Variants in SEMA4D observed in about 807,000 individuals in gnomAD.
SEMA4D encodes semaphorin 4D, also known as semaphorin-4D.
In SEMA4D, 22 loss-of-function variants were observed where a neutral mutation model predicts 74.8. That is an observed-to-expected ratio of 0.29 (90% confidence interval 0.21 to 0.42). SEMA4D has a LOEUF of 0.42. Ranked by LOEUF, SEMA4D falls within the 10% of genes least tolerant of loss-of-function variation. The pLI, the probability that SEMA4D is intolerant of heterozygous loss-of-function variation, is 1.00. For synonymous variants in SEMA4D, 445 were observed against 463.7 expected (o/e 0.96, Z 0.52); for missense variants, 937 against 1,118.4 (o/e 0.84, Z 2.31).
chr9:89,446,258 C>T (rs117823674), intron 2 of SEMA4D, among the ~76,000 whole-genome samples: 3,482 of 152,314 alleles, frequency 0.023, 84 homozygotes, highest in Middle Eastern at 0.051. Context: ...CTTGTGAGTG[C>T]ATTTGGGGCC....
intron 16 of SEMA4D, among the ~76,000 whole-genome samples, chr9:89,371,241 G>A (rs1588106837): frequency 7.7e-6 from 1 of 130,142 alleles, no homozygotes; most frequent in Middle Eastern, 4.8e-3. Flanking sequence ...CTGGGGTAGG[G>A]TGCGTATGTG....
Position 89,380,125 on chromosome 9 carries a change from C to T in SEMA4D, c.1664-496G>A, listed in dbSNP as rs187043008. ...ACAGCTCACTGCAGCTTCAACCCCC[C>T]CAGCTCAAGGGATCTTCCCACCTCA... is the stretch of plus-strand genomic sequence containing the variant. On this transcript the variant is annotated intron_variant, in intron 15 of 15. Transcript: ENST00000422704. Among the ~76,000 whole-genome samples the T allele has an allele frequency of 2.6e-5, 4 of 151,924 alleles. No individual in the cohort carries two copies. In the East Asian group the frequency reaches 5.8e-4, roughly 22 times the overall value.
At chr9:89,426,256 G>A (rs1174806162) in intron 2 of SEMA4D, among the ~76,000 whole-genome samples, 1 of 152,242 alleles carries the variant, frequency 6.6e-6, no homozygotes, top group Non-Finnish European at 1.5e-5. Context: ...CTCAGGACAG[G>A]CCCCAGTCCA....
intron 2 of SEMA4D, among the ~76,000 whole-genome samples, chr9:89,454,339 T>A (rs778796101): frequency 2.0e-5 from 3 of 152,166 alleles, no homozygotes; most frequent in Admixed American, 2.0e-4. Context: ...CTTTAATCCA[T>A]GTCTCCAGGA....
At chr9:89,421,662 T>G (rs147284984) in intron 2 of SEMA4D, among the ~76,000 whole-genome samples, 1 of 152,162 alleles carries the variant, frequency 6.6e-6, no homozygotes, top group Non-Finnish European at 1.5e-5. Flanking sequence ...TTCCAGAGGA[T>G]GGAATACTAT....
In SEMA4D at chr9:89,469,254, T is replaced by A. The variant is rs1402334205; in HGVS notation, c.-309-13301A>T. Among the ~76,000 whole-genome samples the A allele has an allele frequency of 3.3e-5, 5 of 152,218 alleles. No individual in the cohort carries two copies. The East Asian group carries it at 9.7e-4, about 29-fold the overall frequency. On this transcript the variant is annotated intron_variant, in intron 1 of 15. Coordinates refer to ENST00000422704, the MANE Select transcript of SEMA4D (RefSeq NM_001371194.2). ...CAAGATGAAATAGATACCTGAGCAATACTATAAACAGGAAAGAAATAGAAT... is the reference window on the plus strand; with the variant it reads ...CAAGATGAAATAGATACCTGAGCAAAACTATAAACAGGAAAGAAATAGAAT...
At chr9:89,376,056 T>C (rs1174789507), downstream of SEMA4D, among the ~76,000 whole-genome samples, 1 of 152,226 alleles carries the variant, frequency 6.6e-6, no homozygotes. Context: ...CAAGCTGCTG[T>C]GAAACTCCTG....
chr9:89,395,151 C>T (rs1290625594), intron 6 of SEMA4D, among the ~76,000 whole-genome samples: 2 of 152,096 alleles, frequency 1.3e-5, no homozygotes, highest in Admixed American at 6.5e-5. Context: ...ATTGACGGGG[C>T]GTGGTGGCTC....
At chr9:89,461,953 G>A (rs200318173) in intron 1 of SEMA4D, among the ~76,000 whole-genome samples, 3 of 152,014 alleles carry the variant, frequency 2.0e-5, no homozygotes, top group South Asian at 2.1e-4. Context: ...TGCCCACCTC[G>A]GCCTCCCAAA....
rs1380687061 is a variant in SEMA4D, at chr9:89,463,845, G to A, written c.-309-7892C>T. ...GCTACTTGGGAGGCTGAGGCAGGAG[G>A]CTTGCTTGAACCCAGGAGGTGGAGG... On this transcript the variant is annotated intron_variant, in intron 1 of 15. Transcript: ENST00000422704. 2.6e-5 allele frequency among the ~76,000 whole-genome samples: 4 copies of A among 151,726 alleles called. No individual in the cohort carries two copies. The East Asian group carries it at 7.7e-4, about 29-fold the overall frequency.
downstream of SEMA4D, among the ~76,000 whole-genome samples, chr9:89,375,693 G>C (rs1380465866): frequency 2.0e-5 from 3 of 152,174 alleles, no homozygotes; most frequent in Non-Finnish European, 4.4e-5. Flanking sequence ...CAACACAGGG[G>C]CCACCAGGGC....
intron 2 of SEMA4D, chr9:89,418,800 C>CT (rs1846258797): frequency 6.6e-6 from 1 of 152,210 alleles, no homozygotes; most frequent in Non-Finnish European, 1.5e-5. Context: ...ACGCTGATCC[C>CT]TCCATGATTC....
At chr9:89,396,463 A>G (rs1162499324) in intron 6 of SEMA4D, among the ~76,000 whole-genome samples, 1 of 152,142 alleles carries the variant, frequency 6.6e-6, no homozygotes, top group African/African-American at 2.4e-5. Context: ...CTGCACTAGC[A>G]CCAAGGGCTC....
At chr9:89,497,312 C>T (rs1369760489) in intron 1 of SEMA4D, 2 of 152,454 alleles carry the variant, frequency 1.3e-5, no homozygotes, top group African/African-American at 4.8e-5. Context: ...CGAAAGGAAA[C>T]CGAGGCCTGC....
intron 4 of SEMA4D, among the ~76,000 whole-genome samples, chr9:89,399,953 G>A (rs11265904): frequency 0.28 from 37,620 of 135,282 alleles, 6,231 homozygotes; most frequent in East Asian, 0.61. Flanking sequence ...AGCCGAGATC[G>A]CACCACTGCA....
rs749016931 is a variant in SEMA4D, at chr9:89,379,542, C to T, written c.1751G>A (p.Arg584Gln). The T allele has an allele frequency of 1.1e-4, 170 of 1,614,036 alleles. 3 individuals carry two copies. Among genetic ancestry groups the T allele is most frequent in the South Asian group, 3.8e-4 (35 of 91,080 alleles). Reference sequence around the variant, plus strand: ...GCCATTCTGGAACTTCCAAAAGACCCGGGCCAGGTTGGATTTTTGGGAGCA... The same window carrying T: ...GCCATTCTGGAACTTCCAAAAGACCTGGGCCAGGTTGGATTTTTGGGAGCA... ...LKCSQKSNLARVFWKFQNGVL... is the reference protein window; with the variant it reads ...LKCSQKSNLAQVFWKFQNGVL... The change falls in exon 16 of 16, where the codon CGG becomes CAG. Residue 584 changes from arginine to glutamine, a missense_variant. Coordinates refer to ENST00000422704, the MANE Select transcript of SEMA4D (RefSeq NM_001371194.2).
At chr9:89,365,577 C>T (rs747949743) in intron 16 of SEMA4D, 1 of 152,228 alleles carries the variant, frequency 6.6e-6, no homozygotes, top group Non-Finnish European at 1.5e-5. Context: ...CTCACAATGA[C>T]AAAATGAAGT....
At chr9:89,433,402 C>T (rs1203095789) in intron 2 of SEMA4D, among the ~76,000 whole-genome samples, 2 of 152,162 alleles carry the variant, frequency 1.3e-5, no homozygotes, top group Non-Finnish European at 1.5e-5. Flanking sequence ...GGGGAGGGGT[C>T]TCCAATCGGC....
chr9:89,439,276 G>A (rs771329356), intron 2 of SEMA4D, among the ~76,000 whole-genome samples: 22 of 152,076 alleles, frequency 1.4e-4, no homozygotes, highest in Non-Finnish European at 2.9e-4. Context: ...CACCGTACCC[G>A]GCACAATGTA....
Sources: allele counts gnomAD v4.1 joint callset (sites outside exome capture counted in the v4.1 genomes callset), GRCh38; gene constraint gnomAD v4.1.1; transcripts MANE v1.5; gene names NCBI Gene and HGNC (gene_info 2026-07-23, HGNC 2026-07-21).